The following ADAM29 variants were observed in gnomAD, a reference collection of about 807,000 sequenced individuals.
The protein encoded by ADAM29 is disintegrin and metalloproteinase domain-containing protein 29.
For synonymous variants in ADAM29, 367 were observed against 342.3 expected (o/e 1.07, Z -0.80); for missense variants, 969 against 1,001.8 (o/e 0.97, Z 0.44).
chr4:174,974,118 C>A lies in ADAM29; in HGVS notation c.-180-1228C>A, dbSNP rs752023564. Among the ~76,000 whole-genome samples the A allele has an allele frequency of 2.9e-4, 44 of 152,254 alleles. No individual in the cohort carries two copies. In the East Asian group the frequency reaches 3.7e-3, roughly 13 times the overall value. ...CTGAATGTGGACTGTGTTTGGTGGG[C>A]CTGCCAAGTCTGAAATGGCCACTGT... On this transcript the variant is annotated intron_variant, in intron 4 of 4. Coordinates refer to ENST00000359240, the MANE Select transcript of ADAM29 (RefSeq NM_014269.4).
At chr4:174,959,682 C>CT (rs1021825591) in intron 4 of ADAM29, among the ~76,000 whole-genome samples, 1 of 151,394 alleles carries the variant, frequency 6.6e-6, no homozygotes, top group African/African-American at 2.4e-5. Flanking sequence ...TTTTTAAAAT[C>CT]TTTTTTCTTC....
chr4:174,943,929 C>T (rs966361704), intron 4 of ADAM29, among the ~76,000 whole-genome samples: 2 of 151,936 alleles, frequency 1.3e-5, no homozygotes, highest in South Asian at 4.1e-4. Flanking sequence ...GTAAGCATGT[C>T]AATTTATTGT....
At chr4:174,927,883 T>C (rs1743611118) in intron 2 of ADAM29, among the ~76,000 whole-genome samples, 1 of 152,150 alleles carries the variant, frequency 6.6e-6, no homozygotes, top group African/African-American at 2.4e-5. Context: ...TGGTGGAATC[T>C]TGCTTGGTAT....
chr4:174,923,426 C>T (rs1743281750), intron 2 of ADAM29, among the ~76,000 whole-genome samples: 1 of 150,850 alleles, frequency 6.6e-6, no homozygotes, highest in Non-Finnish European at 1.5e-5. Context: ...AGGGTGAGTG[C>T]CCCATAAGCT....
In ADAM29 at chr4:174,977,274, T is replaced by C. The variant is rs1746892073; in HGVS notation, c.1749T>C (p.Ser583=). The C allele has an allele frequency of 1.7e-5, 27 of 1,613,754 alleles. No homozygotes were observed. Among genetic ancestry groups the C allele is most frequent in the Non-Finnish European group, 2.2e-5 (26 of 1,180,016 alleles). ...GCTTCAATGACATAATGTGCTGGAGTACTGATTACCATTTGGGGATGAAGG... is the reference window on the plus strand; with the variant it reads ...GCTTCAATGACATAATGTGCTGGAGCACTGATTACCATTTGGGGATGAAGG... ...WARFNDIMCW[S]TDYHLGMKGP... The change falls in exon 5 of 5, where the codon AGT becomes AGC. Residue 583 remains serine (S), a synonymous_variant. Coordinates refer to ENST00000359240, the MANE Select transcript of ADAM29 (RefSeq NM_014269.4).
chr4:174,948,094 C>A (rs1187617960), intron 4 of ADAM29, among the ~76,000 whole-genome samples: 1 of 152,158 alleles, frequency 6.6e-6, no homozygotes, highest in African/African-American at 2.4e-5. Context: ...TCCTTAGATT[C>A]CTTGTCTTGG....
chr4:174,932,562 G>A lies in ADAM29; in HGVS notation c.-262+1388G>A, dbSNP rs568416529. Among the ~76,000 whole-genome samples, 3 of 152,174 alleles carry A rather than the reference G, an allele frequency of 2.0e-5. No individual in the cohort carries two copies. The East Asian group carries it at 5.8e-4, about 29-fold the overall frequency. On this transcript the variant is annotated intron_variant, in intron 3 of 4. Coordinates refer to ENST00000359240, the MANE Select transcript of ADAM29 (RefSeq NM_014269.4). ...CCCATAGGACCCAATCACTCCCAAAGGCCACACCTCTTAATATTATCACAT... is the reference window on the plus strand; with the variant it reads ...CCCATAGGACCCAATCACTCCCAAAAGCCACACCTCTTAATATTATCACAT...
At chr4:174,923,655 A>G (rs1156676646) in intron 2 of ADAM29, among the ~76,000 whole-genome samples, 1 of 151,368 alleles carries the variant, frequency 6.6e-6, no homozygotes, top group Non-Finnish European at 1.5e-5. Context: ...CAAAATCTGA[A>G]CAAGCCGATC....
chr4:174,956,327 G>A (rs373176462), intron 4 of ADAM29, among the ~76,000 whole-genome samples: 4 of 151,852 alleles, frequency 2.6e-5, no homozygotes, highest in South Asian at 4.2e-4. Context: ...TTTCTTTAAT[G>A]TATATATACT....
At chr4:174,960,292 A>C (rs1051975036) in intron 4 of ADAM29, among the ~76,000 whole-genome samples, 1 of 152,028 alleles carries the variant, frequency 6.6e-6, no homozygotes, top group Non-Finnish European at 1.5e-5. Context: ...TTAGTATGAA[A>C]TATTTACTAA....
intron 4 of ADAM29, among the ~76,000 whole-genome samples, chr4:174,953,998 C>T (rs1299104801): frequency 6.6e-6 from 1 of 152,174 alleles, no homozygotes; most frequent in South Asian, 2.1e-4. Flanking sequence ...AGGTGTGAGC[C>T]GCCATGCCTG....
At position 174,977,302 on chromosome 4, in the gene ADAM29, C is replaced by T. The variant is rs747502527; in HGVS notation, c.1777C>T (p.Pro593Ser). 3.1e-6 allele frequency: 5 copies of T among 1,613,694 alleles called. No individual in the cohort carries two copies. The African/African-American group carries it at 4.0e-5, about 13-fold the overall frequency. Residue 593 changes from proline (P) to serine (S), a missense_variant, in exon 5 of 5, where the codon CCT becomes TCT. Coordinates refer to ENST00000359240, the MANE Select transcript of ADAM29 (RefSeq NM_014269.4). ...STDYHLGMKG[P>S]DIGEVKDGTE... Reference sequence around the variant, plus strand: ...TGATTACCATTTGGGGATGAAGGGACCTGATATTGGTGAAGTGAAAGATGG... The same window carrying T: ...TGATTACCATTTGGGGATGAAGGGATCTGATATTGGTGAAGTGAAAGATGG...
chr4:174,962,058 ATAATAATT>A (rs1745853726), intron 4 of ADAM29, among the ~76,000 whole-genome samples: 1 of 152,240 alleles, frequency 6.6e-6, no homozygotes, highest in South Asian at 2.1e-4. Flanking sequence ...GAAAATAAAA[ATAATAATT>A]TGATATGTAA....
At chr4:174,922,130 A>G (rs1285111856) in intron 2 of ADAM29, among the ~76,000 whole-genome samples, 2 of 152,202 alleles carry the variant, frequency 1.3e-5, no homozygotes, top group African/African-American at 4.8e-5. Flanking sequence ...TTTAAATCAT[A>G]TATAAAATTC....
intron 4 of ADAM29, among the ~76,000 whole-genome samples, chr4:174,960,435 GTT>G (rs1745745312): frequency 6.6e-6 from 1 of 151,936 alleles, no homozygotes; most frequent in African/African-American, 2.4e-5. Flanking sequence ...TATAATTTCA[GTT>G]TTTTAAAAAG....
chr4:174,965,706 T>G (rs1445007209), intron 4 of ADAM29, among the ~76,000 whole-genome samples: 1 of 152,094 alleles, frequency 6.6e-6, no homozygotes, highest in Non-Finnish European at 1.5e-5. Flanking sequence ...TACCACTGCC[T>G]TCTTTCTGTG....
chr4:174,961,938 T>C (rs60286536), intron 4 of ADAM29, among the ~76,000 whole-genome samples: 8,034 of 152,282 alleles, frequency 0.053, 251 homozygotes, highest in African/African-American at 0.083. Flanking sequence ...AAGAATTATA[T>C]AGTGTTCTGT....
intron 4 of ADAM29, among the ~76,000 whole-genome samples, chr4:174,964,034 C>A (rs1383148407): frequency 6.6e-6 from 1 of 151,918 alleles, no homozygotes; most frequent in Non-Finnish European, 1.5e-5. Context: ...TCTTTTGTGA[C>A]TCAATTAATG....
At chr4:174,923,252 T>C (rs1229386635) in intron 2 of ADAM29, among the ~76,000 whole-genome samples, 1 of 151,722 alleles carries the variant, frequency 6.6e-6, no homozygotes, top group Non-Finnish European at 1.5e-5. Flanking sequence ...AGACGGGATT[T>C]CACCATGTTG....
Sources: allele counts gnomAD v4.1 joint callset (sites outside exome capture counted in the v4.1 genomes callset), GRCh38; gene constraint gnomAD v4.1.1; transcripts MANE v1.5; gene names NCBI Gene and HGNC (gene_info 2026-07-23, HGNC 2026-07-21).